The following TTC29 variants were observed in gnomAD, a reference collection of about 807,000 sequenced individuals.
The protein encoded by TTC29 is tetratricopeptide repeat protein 29.
In TTC29, 49 loss-of-function variants were observed where a neutral mutation model predicts 58.1. The ratio of observed to expected loss-of-function variants is 0.84; its 90% CI spans 0.67 to 1.07. The LOEUF (loss-of-function observed/expected upper bound fraction) is 1.07, where lower values mean the gene tolerates loss of function less well. Ranked by LOEUF, TTC29 falls within the 50% of genes least tolerant of loss-of-function variation. The pLI is 0.00. For synonymous variants in TTC29, 209 were observed against 196.8 expected (o/e 1.06, Z -0.52); for missense variants, 582 against 555.6 (o/e 1.05, Z -0.48).
intron 5 of TTC29, among the ~76,000 whole-genome samples, chr4:146,906,947 C>T (rs1036003210): frequency 2.6e-5 from 4 of 152,090 alleles, no homozygotes; most frequent in Non-Finnish European, 4.4e-5. Flanking sequence ...CATGGTGAAA[C>T]CCCGTCTCTA....
intron 10 of TTC29, among the ~76,000 whole-genome samples, chr4:146,812,097 T>G (rs1751064241): frequency 6.6e-6 from 1 of 152,046 alleles, no homozygotes; most frequent in Non-Finnish European, 1.5e-5. Context: ...AAACTATAAT[T>G]GAGAAACATA....
At chr4:146,894,359 G>T (rs1358703517) in intron 6 of TTC29, among the ~76,000 whole-genome samples, 2 of 151,908 alleles carry the variant, frequency 1.3e-5, no homozygotes, top group Admixed American at 1.3e-4. Context: ...CATAAAAAAT[G>T]ATGAGTTCAT....
chr4:146,772,027 G>A lies in TTC29; in HGVS notation c.1330+31430C>T, dbSNP rs188027360. 2.7e-3 allele frequency among the ~76,000 whole-genome samples: 413 copies of A among 152,176 alleles called. 5 individuals carry two copies. Among genetic ancestry groups the A allele is most frequent in the African/African-American group, 9.5e-3 (393 of 41,552 alleles). Reference sequence around the variant, plus strand: ...AGTGATGGTGAGCATCTTCTTATATGCTTGTTGGCTGCGTGTATGTCTTTT... The same window carrying A: ...AGTGATGGTGAGCATCTTCTTATATACTTGTTGGCTGCGTGTATGTCTTTT... On this transcript the variant is annotated intron_variant, in intron 11 of 12. Transcript: ENST00000325106.
At chr4:146,931,376 C>G (rs1735325791) in intron 4 of TTC29, among the ~76,000 whole-genome samples, 1 of 152,090 alleles carries the variant, frequency 6.6e-6, no homozygotes. Context: ...GTTATTTATA[C>G]TATTAATAAA....
intron 5 of TTC29, among the ~76,000 whole-genome samples, chr4:146,908,729 T>C (rs914291614): frequency 6.6e-6 from 1 of 152,142 alleles, no homozygotes; most frequent in Non-Finnish European, 1.5e-5. Flanking sequence ...GTAGAAAGGT[T>C]TAAACCTAAT....
chr4:146,806,128 C>T (rs1750600084), intron 10 of TTC29, among the ~76,000 whole-genome samples: 1 of 152,148 alleles, frequency 6.6e-6, no homozygotes, highest in South Asian at 2.1e-4. Context: ...CATATCCAGC[C>T]AAACTAAGCT....
Position 146,840,975 on chromosome 4 carries a change from G to A in TTC29, c.886-7078C>T, listed in dbSNP as rs1001230622. Among the ~76,000 whole-genome samples the A allele has an allele frequency of 4.6e-5, 7 of 152,120 alleles. No homozygotes were observed. The South Asian group carries it at 1.4e-3, about 31-fold the overall frequency. On this transcript the variant is annotated intron_variant, in intron 8 of 12. Coordinates refer to ENST00000325106, the MANE Select transcript of TTC29 (RefSeq NM_031956.4). Reference sequence around the variant, plus strand: ...CACAGAATGTTTGTCTAGTAATGTGGACTAAGTTATTGCAGTTTCAACTGA... The same window carrying A: ...CACAGAATGTTTGTCTAGTAATGTGAACTAAGTTATTGCAGTTTCAACTGA...
intron 11 of TTC29, among the ~76,000 whole-genome samples, chr4:146,803,128 A>C (rs1032107997): frequency 4.6e-5 from 7 of 152,184 alleles, no homozygotes; most frequent in Non-Finnish European, 7.3e-5. Context: ...AACATGGCGC[A>C]TGCTAAAAAA....
At chr4:146,784,454 C>T (rs1362911760) in intron 11 of TTC29, among the ~76,000 whole-genome samples, 1 of 151,934 alleles carries the variant, frequency 6.6e-6, no homozygotes, top group Admixed American at 6.6e-5. Context: ...CCTTAAAATT[C>T]CTATGTTGAA....
intron 5 of TTC29, among the ~76,000 whole-genome samples, chr4:146,908,276 C>A (rs1733659538): frequency 6.6e-6 from 1 of 152,024 alleles, no homozygotes; most frequent in African/African-American, 2.4e-5. Context: ...TTTAGAATAC[C>A]AAATTTACAT....
chr4:146,873,880 C>A (rs1319461541), intron 7 of TTC29, among the ~76,000 whole-genome samples: 1 of 152,150 alleles, frequency 6.6e-6, no homozygotes, highest in African/African-American at 2.4e-5. Context: ...ATAAACCAAT[C>A]AATTAAATAT....
intron 9 of TTC29, 127 bp from the exon 10 acceptor site, chr4:146,820,375 T>C (rs1751735613): frequency 1.9e-6 from 2 of 1,054,974 alleles, no homozygotes; most frequent in Admixed American, 6.1e-5. Flanking sequence ...ATTTAATGTG[T>C]AAATACCAAA....
intron 4 of TTC29, among the ~76,000 whole-genome samples, chr4:146,913,129 C>A (rs1434535059): frequency 6.6e-6 from 1 of 152,160 alleles, no homozygotes; most frequent in Non-Finnish European, 1.5e-5. Context: ...GGGTTGTAAT[C>A]TTGCTCACAC....
At chr4:146,781,256 T>C (rs758768980) in intron 11 of TTC29, among the ~76,000 whole-genome samples, 4 of 151,972 alleles carry the variant, frequency 2.6e-5, no homozygotes, top group African/African-American at 7.2e-5. Context: ...TCCAGTAGTA[T>C]ATGGCTTGAC....
intron 11 of TTC29, among the ~76,000 whole-genome samples, chr4:146,725,690 C>T (rs1384326158): frequency 6.6e-6 from 1 of 152,148 alleles, no homozygotes; most frequent in Non-Finnish European, 1.5e-5. Flanking sequence ...CATCTTTCAT[C>T]AAGGTGTTTG....
intron 4 of TTC29, among the ~76,000 whole-genome samples, chr4:146,909,636 T>C (rs1342290574): frequency 6.6e-6 from 1 of 152,086 alleles, no homozygotes; most frequent in Non-Finnish European, 1.5e-5. Context: ...ATCAAAACAA[T>C]ATTCTCTCTA....
intron 4 of TTC29, among the ~76,000 whole-genome samples, chr4:146,911,027 A>G (rs1405566155): frequency 6.6e-6 from 1 of 152,170 alleles, no homozygotes; most frequent in African/African-American, 2.4e-5. Context: ...AGTGAGAGCC[A>G]AGAGTAGAAA....
intron 10 of TTC29, among the ~76,000 whole-genome samples, chr4:146,818,018 C>T (rs1445404054): frequency 6.6e-6 from 1 of 152,150 alleles, no homozygotes; most frequent in Non-Finnish European, 1.5e-5. Flanking sequence ...AGGACATAGG[C>T]ATGGGCAAGG....
intron 8 of TTC29, among the ~76,000 whole-genome samples, chr4:146,865,078 T>C (rs1730479751): frequency 6.6e-6 from 1 of 152,186 alleles, no homozygotes; most frequent in African/African-American, 2.4e-5. Context: ...AAGCTTCACA[T>C]ATACTTTCAG....
Sources: allele counts gnomAD v4.1 joint callset (sites outside exome capture counted in the v4.1 genomes callset), GRCh38; gene constraint gnomAD v4.1.1; transcripts MANE v1.5; gene names NCBI Gene and HGNC (gene_info 2026-07-23, HGNC 2026-07-21).